Variants in TAF1A observed in about 807,000 individuals in gnomAD.
TAF1A encodes TATA box-binding protein-associated factor RNA polymerase I subunit A.
A neutral mutation model predicts 61.6 loss-of-function variants in TAF1A; 42 were observed. The observed-to-expected ratio is 0.68, with a 90% CI of 0.53 to 0.88. The LOEUF is 0.88. Among genes scored for constraint, TAF1A ranks in the 40% least tolerant of loss-of-function variants. The pLI is 0.00. For missense variants in TAF1A, 424 were observed against 518.7 expected (o/e 0.82, Z 1.77); for synonymous variants, 179 against 177.7 (o/e 1.01, Z -0.06).
At chr1:222,587,063 T>C (rs1042814041) in intron 2 of TAF1A, among the ~76,000 whole-genome samples, 2 of 152,184 alleles carry the variant, frequency 1.3e-5, no homozygotes, top group Non-Finnish European at 2.9e-5. Context: ...GACTTAACTA[T>C]AGGAAATTTA....
chr1:222,565,798 G>A (rs143776167), intron 7 of TAF1A, among the ~76,000 whole-genome samples: 270 of 152,290 alleles, frequency 1.8e-3, no homozygotes, highest in Non-Finnish European at 3.2e-3. Flanking sequence ...GGAGGTGGAG[G>A]CTACAGGGAG....
At chr1:222,567,081 T>C (rs1273081301) in intron 7 of TAF1A, among the ~76,000 whole-genome samples, 1 of 152,152 alleles carries the variant, frequency 6.6e-6, no homozygotes, top group Non-Finnish European at 1.5e-5. Context: ...AAGCAAAATG[T>C]TGTAGGTACA....
intron 5 of TAF1A, among the ~76,000 whole-genome samples, chr1:222,572,500 G>A (rs1249050204): frequency 6.6e-6 from 1 of 152,098 alleles, no homozygotes; most frequent in Admixed American, 6.5e-5. Context: ...CAGGACTACA[G>A]GCACACGCTA....
chr1:222,568,050 G>C (rs992253013), intron 7 of TAF1A, among the ~76,000 whole-genome samples: 3 of 151,942 alleles, frequency 2.0e-5, no homozygotes, highest in African/African-American at 7.3e-5. Context: ...AATGGAGAAA[G>C]GAGAGTCTTC....
At chr1:222,561,208 T>A (rs531948905) in intron 10 of TAF1A, among the ~76,000 whole-genome samples, 156 bp downstream of exon 10, 1 of 152,252 alleles carries the variant, frequency 6.6e-6, no homozygotes, top group Admixed American at 6.5e-5. Flanking sequence ...AAGCACATAG[T>A]CCCAACTCAG....
Position 222,562,846 on chromosome 1 carries a change from C to T in TAF1A, c.1085+327G>A, listed in dbSNP as rs192821196. On this transcript the variant is annotated intron_variant, in intron 9 of 10. Coordinates refer to ENST00000352967, the MANE Select transcript of TAF1A (RefSeq NM_005681.4). The stretch of plus-strand genomic sequence containing the variant: ...CCCATGTGATCTTACAAGTTAATGA[C>T]GCACAAATCACAAAGAGTCTTTAGC... 1.5e-3 allele frequency among the ~76,000 whole-genome samples: 222 copies of T among 152,186 alleles called. 1 individual carries two copies. Among genetic ancestry groups the T allele is most frequent in the African/African-American group, 5.0e-3 (209 of 41,546 alleles).
At chr1:222,561,257 T>TA in intron 10 of TAF1A, 107 bp downstream of exon 10, 1 of 1,180,514 alleles carries the variant, frequency 8.5e-7, no homozygotes, top group Non-Finnish European at 1.2e-6. Flanking sequence ...CTTAAGCACC[T>TA]AATATTTTTA....
At chr1:222,568,173 C>A (rs1294965845) in intron 7 of TAF1A, among the ~76,000 whole-genome samples, 4 of 112,786 alleles carry the variant, frequency 3.5e-5, no homozygotes, top group Non-Finnish European at 1.7e-5. Context: ...AACTATACAA[C>A]ACATCTAGAA....
At chr1:222,575,595 C>G (rs187647021) in intron 5 of TAF1A, among the ~76,000 whole-genome samples, 2 of 152,144 alleles carry the variant, frequency 1.3e-5, no homozygotes, top group African/African-American at 4.8e-5. Flanking sequence ...TCCTAGTCAC[C>G]AAGTGCATCA....
In TAF1A at chr1:222,577,520, T is replaced by G. The variant is rs1660620869; in HGVS notation, c.529A>C (p.Asn177His). 1 of 1,613,894 alleles carries G rather than the reference T, an allele frequency of 6.2e-7. No individual in the cohort carries two copies. The highest frequency in any genetic ancestry group is 8.5e-7 in the Non-Finnish European group (1 of 1,179,940). ...ENTSSREILI[N>H]LIQAYKGLLQ... ...AGCCCTTTATAGGCCTGAATAAGGT[T>G]GATTAATATTTCCCGGGAAGACGTA... The change falls in exon 5 of 11, where the codon AAC (asparagine) becomes CAC (histidine). Residue 177 changes from asparagine to histidine, a missense_variant. Physicochemically the swap from Asn to His is moderately conservative, Grantham distance 68. Transcript: ENST00000352967.
downstream of TAF1A, chr1:222,557,904 G>A (rs534127870): frequency 2.9e-5 from 4 of 136,978 alleles, no homozygotes; most frequent in African/African-American, 1.1e-4. Flanking sequence ...TTTTTTTTGA[G>A]ACAGAGTCTA....
chr1:222,585,935 CT>C (rs1161171376), intron 2 of TAF1A, among the ~76,000 whole-genome samples: 1 of 152,116 alleles, frequency 6.6e-6, no homozygotes, highest in African/African-American at 2.4e-5. Context: ...GAAATTTTAT[CT>C]CTTGCAAATA....
intron 4 of TAF1A, among the ~76,000 whole-genome samples, chr1:222,578,633 C>A (rs1048322229): frequency 1.3e-5 from 2 of 152,154 alleles, no homozygotes. Context: ...TCAAGTATCA[C>A]TTTCATTCTT....
intron 4 of TAF1A, among the ~76,000 whole-genome samples, chr1:222,578,718 TC>T (rs1660668880): frequency 6.6e-6 from 1 of 152,202 alleles, no homozygotes; most frequent in Non-Finnish European, 1.5e-5. Flanking sequence ...CTTTATCTTC[TC>T]ACCATTTGTT....
chr1:222,560,245 A>G (rs1659860140), intron 10 of TAF1A, among the ~76,000 whole-genome samples: 1 of 152,194 alleles, frequency 6.6e-6, no homozygotes, highest in Non-Finnish European at 1.5e-5. Context: ...TAATGAATAG[A>G]CTGACTCAAC....
At chr1:222,576,331 A>G (rs149113963) in intron 5 of TAF1A, among the ~76,000 whole-genome samples, 1 of 152,334 alleles carries the variant, frequency 6.6e-6, no homozygotes, top group East Asian at 1.9e-4. Flanking sequence ...AATTAGTGAA[A>G]CTACATGCCC....
chr1:222,556,204 G>A (rs1293331190), downstream of TAF1A, among the ~76,000 whole-genome samples: 2 of 152,236 alleles, frequency 1.3e-5, no homozygotes, highest in African/African-American at 4.8e-5. Context: ...GGCAAGCGAT[G>A]TGGGGGTGCC....
intron 7 of TAF1A, chr1:222,568,862 T>A (rs1288261503): frequency 6.6e-6 from 1 of 152,290 alleles, no homozygotes; most frequent in Non-Finnish European, 1.5e-5. Context: ...CAAATGTCCA[T>A]CAAGAAGTGA....
In TAF1A at chr1:222,558,770, A is replaced by G. The variant is rs1000276793; in HGVS notation, c.1243T>C (p.Cys415Arg). 2.7e-6 allele frequency: 4 copies of G among 1,488,532 alleles called. No individual in the cohort carries two copies. Among genetic ancestry groups the G allele is most frequent in the Admixed American group, 2.1e-5 (1 of 46,914 alleles). The allele number at this position is 1,488,532 out of a possible 1,614,324, so 92.2% of individuals were successfully genotyped here. ...FVAGLLLGKGCRYFRYILKQD... is the reference protein window; with the variant it reads ...FVAGLLLGKGRRYFRYILKQD... ...TTTAAAATATACCGGAAATATCTAC[A>G]ACCTAAAAAGTTAAGCAAAATAAAA... The change falls in exon 11 of 11, where the codon TGT becomes CGT. Residue 415 changes from cysteine (C) to arginine (R), a missense_variant and splice_region_variant. Transcript: ENST00000352967.
Sources: gnomAD v4.1 joint callset for allele counts (sites outside exome capture counted in the v4.1 genomes callset) on GRCh38, gnomAD v4.1.1 for gene constraint, MANE v1.5 for transcripts, NCBI Gene and HGNC (gene_info 2026-07-23, HGNC 2026-07-21) for gene names.